The following AGMO variants were observed in gnomAD, a reference collection of about 807,000 sequenced individuals.
The protein encoded by AGMO is glyceryl-ether monooxygenase.
In AGMO, 75 loss-of-function variants were observed where a neutral mutation model predicts 60.2. That is an observed-to-expected ratio of 1.25 (90% confidence interval 1.03 to 1.51). The LOEUF (loss-of-function observed/expected upper bound fraction) is 1.51. Ranked by LOEUF, AGMO falls within the 40% of genes most tolerant of loss-of-function variation. The pLI, the probability that AGMO is intolerant of heterozygous loss-of-function variation, is 0.00. For missense variants in AGMO, 763 were observed against 525.5 expected (o/e 1.45, Z -4.42); for synonymous variants, 261 against 177.1 (o/e 1.47, Z -3.76).
At chr7:15,391,532 C>T (rs1487481815) in intron 6 of AGMO, among the ~76,000 whole-genome samples, 2 of 152,090 alleles carry the variant, frequency 1.3e-5, no homozygotes, top group Non-Finnish European at 2.9e-5. Flanking sequence ...ATAATGATAT[C>T]CACATGACTG....
At chr7:15,378,581 C>A (rs942457249) in intron 10 of AGMO, among the ~76,000 whole-genome samples, 1 of 152,002 alleles carries the variant, frequency 6.6e-6, no homozygotes, top group Admixed American at 6.6e-5. Flanking sequence ...GATTTAGACT[C>A]CCACACAATA....
chr7:15,541,595 G>C (rs545659792), intron 3 of AGMO, among the ~76,000 whole-genome samples: 2 of 151,964 alleles, frequency 1.3e-5, no homozygotes, highest in African/African-American at 4.8e-5. Flanking sequence ...TTTCATTCCA[G>C]AGGAAGAAAA....
At chr7:15,326,380 A>C (rs1451841441) in intron 12 of AGMO, among the ~76,000 whole-genome samples, 1 of 152,156 alleles carries the variant, frequency 6.6e-6, no homozygotes, top group Non-Finnish European at 1.5e-5. Flanking sequence ...GCAAAATGTA[A>C]ATTGATGAAA....
the AGMO span, among the ~76,000 whole-genome samples, chr7:15,171,442 C>A: frequency 6.6e-6 from 1 of 152,192 alleles, no homozygotes; most frequent in Non-Finnish European, 1.5e-5. Context: ...CTTCTTTCCC[C>A]TTTCCATACT....
At chr7:15,169,522 C>T in the AGMO span, among the ~76,000 whole-genome samples, 1 of 152,016 alleles carries the variant, frequency 6.6e-6, no homozygotes, top group African/African-American at 2.4e-5. Context: ...CCGCAACCTC[C>T]ACCTCCTGGG....
In AGMO at chr7:15,482,091, T is replaced by C. The variant is rs62438759; in HGVS notation, c.410-50983A>G. On this transcript the variant is annotated intron_variant, in intron 3 of 12. Transcript: ENST00000342526. ...GGAAAACAAGGCTGAAAATCAATGCTATCCATATCCACATGAAAAAATCAG... is the reference window on the plus strand; with the variant it reads ...GGAAAACAAGGCTGAAAATCAATGCCATCCATATCCACATGAAAAAATCAG... Among the ~76,000 whole-genome samples the C allele has an allele frequency of 4.9e-3, 743 of 151,296 alleles. 5 individuals are homozygous for C. Among genetic ancestry groups the C allele is most frequent in the Non-Finnish European group, 8.4e-3 (570 of 67,714 alleles).
chr7:15,145,676 T>C, the AGMO span, among the ~76,000 whole-genome samples: 1 of 152,174 alleles, frequency 6.6e-6, no homozygotes, highest in Non-Finnish European at 1.5e-5. Context: ...CTTTCACGTA[T>C]TTCCTTAAAC....
At position 15,431,065 on chromosome 7, in the gene AGMO, A is replaced by C. The variant is rs941325713; in HGVS notation, c.453T>G (p.Ser151=). 1.2e-6 allele frequency: 2 copies of C among 1,611,568 alleles called. No individual in the cohort carries two copies. Among genetic ancestry groups the C allele is most frequent in the African/African-American group, 2.7e-5 (2 of 74,764 alleles). Residue 151 remains serine, a synonymous_variant, in exon 4 of 13, where the codon TCT becomes TCG. Coordinates refer to ENST00000342526, the MANE Select transcript of AGMO (RefSeq NM_001004320.2). The part of the protein sequence containing the change: ...MWAGHQTHHS[S]EDYNLSTALR... ...GTGCTGTGGATAAGTTATAGTCTTCAGAACTATGATGTGTTTGGTGTCCGG... is the reference window on the plus strand; with the variant it reads ...GTGCTGTGGATAAGTTATAGTCTTCCGAACTATGATGTGTTTGGTGTCCGG...
At chr7:15,191,685 A>G in the AGMO span, among the ~76,000 whole-genome samples, 1 of 152,214 alleles carries the variant, frequency 6.6e-6, no homozygotes, top group East Asian at 1.9e-4. Context: ...TCAATAAATT[A>G]GCTTAAATTT....
chr7:15,378,234 T>C (rs1783530910), intron 10 of AGMO, among the ~76,000 whole-genome samples: 1 of 151,868 alleles, frequency 6.6e-6, no homozygotes, highest in Non-Finnish European at 1.5e-5. Context: ...AGACAGCACA[T>C]ACAAACTTAT....
At chr7:15,480,199 C>G in intron 3 of AGMO, among the ~76,000 whole-genome samples, 1 of 152,014 alleles carries the variant, frequency 6.6e-6, no homozygotes, top group East Asian at 1.9e-4. Flanking sequence ...CTGTAAATTG[C>G]TAGTGCGAGT....
chr7:15,266,785 TA>T lies in AGMO; in HGVS notation c.1264-65427del, dbSNP rs538896860. On this transcript the variant is annotated intron_variant, in intron 12 of 12. Transcript: ENST00000342526. ...TTTGCCTCACTTATGTTTAAGTATC[TA>T]AAAAAAAAATCAGGAAATTCCAAGA... Among the ~76,000 whole-genome samples, 996 of 149,174 alleles carry T rather than the reference TA, an allele frequency of 6.7e-3. 13 individuals carry two copies. The highest frequency in any genetic ancestry group is 0.022 in the African/African-American group (884 of 40,860).
intron 3 of AGMO, among the ~76,000 whole-genome samples, chr7:15,525,011 T>C (rs1784086975): frequency 6.6e-6 from 1 of 152,156 alleles, no homozygotes; most frequent in Non-Finnish European, 1.5e-5. Flanking sequence ...TGAATGGATC[T>C]CTTCTTGGTC....
intron 4 of AGMO, among the ~76,000 whole-genome samples, chr7:15,422,276 T>A (rs763683043): frequency 6.7e-6 from 1 of 149,794 alleles, no homozygotes; most frequent in Admixed American, 6.7e-5. Flanking sequence ...ATTACCTGTT[T>A]ATTTTTTTTT....
intron 3 of AGMO, among the ~76,000 whole-genome samples, chr7:15,479,927 T>G (rs895024623): frequency 6.6e-6 from 1 of 152,126 alleles, no homozygotes; most frequent in African/African-American, 2.4e-5. Context: ...GGATTTTAAC[T>G]TATGTTTAGG....
At chr7:15,368,191 A>C (rs559145674) in intron 10 of AGMO, among the ~76,000 whole-genome samples, 2 of 152,034 alleles carry the variant, frequency 1.3e-5, no homozygotes, top group South Asian at 4.2e-4. Context: ...GAGTCAGTGA[A>C]AGCCAGAATG....
intron 12 of AGMO, among the ~76,000 whole-genome samples, chr7:15,350,397 T>A (rs1782197055): frequency 6.6e-6 from 1 of 152,210 alleles, no homozygotes; most frequent in Non-Finnish European, 1.5e-5. Context: ...ATCAATGTCC[T>A]TGGAGTATGT....
chr7:15,373,032 G>A (rs1371577865), intron 10 of AGMO, among the ~76,000 whole-genome samples: 1 of 152,146 alleles, frequency 6.6e-6, no homozygotes, highest in Non-Finnish European at 1.5e-5. Flanking sequence ...GGGAAGCTGA[G>A]GTCGGCAATT....
intron 10 of AGMO, 52 bp from the exon 11 acceptor site, chr7:15,366,274 G>C (rs1221173096): frequency 7.2e-7 from 1 of 1,388,812 alleles, no homozygotes; most frequent in Non-Finnish European, 1.0e-6. Context: ...TTGTTAAAAG[G>C]TACACGAACG....
Sources: allele counts gnomAD v4.1 joint callset (sites outside exome capture counted in the v4.1 genomes callset), GRCh38; gene constraint gnomAD v4.1.1; transcripts MANE v1.5; gene names NCBI Gene and HGNC (gene_info 2026-07-23, HGNC 2026-07-21).